Variants in TIAM2 observed in about 807,000 individuals in gnomAD.
The protein encoded by TIAM2 is rho guanine nucleotide exchange factor TIAM2.
Under a neutral mutation model 152.9 loss-of-function variants are expected in TIAM2, and 80 were observed. The ratio of observed to expected loss-of-function variants is 0.52; its 90% CI spans 0.44 to 0.63. The LOEUF (loss-of-function observed/expected upper bound fraction) is 0.63, where lower values mean the gene tolerates loss of function less well. TIAM2 is among the 30% of genes least tolerant of loss of function. The probability of loss-of-function intolerance (pLI) is 0.00; values close to 1 mark genes in which losing one functional copy is unlikely to be tolerated. For missense variants in TIAM2, 1,965 were observed against 2,120.1 expected, an observed-to-expected ratio of 0.93 and a Z score of 1.44; for synonymous variants, 804 against 838.0, an observed-to-expected ratio of 0.96 and a Z score of 0.70.
chr6:154,995,978 C>T lies in TIAM2; in HGVS notation c.-209+486C>T, dbSNP rs2114829000. Among the ~76,000 whole-genome samples the T allele has an allele frequency of 6.6e-6, 1 of 152,318 alleles. No individual in the cohort carries two copies. Among genetic ancestry groups the T allele is most frequent in the East Asian group, 1.9e-4 (1 of 5,144 alleles). Reference sequence around the variant, plus strand: ...CGCTGCGGCGAAGCAGGATCCCAGGCGGTCGGCTCAGCGAGTGTAGACCGT... The same window carrying T: ...CGCTGCGGCGAAGCAGGATCCCAGGTGGTCGGCTCAGCGAGTGTAGACCGT... On this transcript the variant is annotated intron_variant, in intron 1 of 26. Transcript: ENST00000682666. This position sits in a 1 kb window ranked among gnomAD's most constrained non-coding sequence, Gnocchi z 5.2.
chr6:155,056,164 CTTCT>C (rs1303369102), intron 1 of TIAM2, among the ~76,000 whole-genome samples: 61 of 121,722 alleles, frequency 5.0e-4, no homozygotes, highest in African/African-American at 2.0e-3. Flanking sequence ...CCTTATTGTT[CTTCT>C]TTTTTTTTTT....
intron 1 of TIAM2, among the ~76,000 whole-genome samples, chr6:155,082,630 A>G: frequency 6.6e-6 from 1 of 151,106 alleles, no homozygotes; most frequent in Non-Finnish European, 1.5e-5. Context: ...GGCCTGGGCA[A>G]CAAGAGTAAA....
chr6:155,250,652 T>C, intron 21 of TIAM2: 1 of 1,530,566 alleles, frequency 6.5e-7, no homozygotes, highest in Non-Finnish European at 8.8e-7. Context: ...GAAACTGAGT[T>C]GGTCACAAGG....
At chr6:155,057,097 C>T (rs1050035883) in intron 1 of TIAM2, among the ~76,000 whole-genome samples, 8 of 127,704 alleles carry the variant, frequency 6.3e-5, no homozygotes, top group Non-Finnish European at 1.1e-4. Flanking sequence ...GGTGCAATCT[C>T]GGTTCACTGC....
At chr6:155,006,359 G>A (rs550360964) in intron 1 of TIAM2, among the ~76,000 whole-genome samples, 1 of 152,078 alleles carries the variant, frequency 6.6e-6, no homozygotes, top group East Asian at 1.9e-4. Flanking sequence ...AGGGCTCAAG[G>A]CACTTTTTTT....
intron 14 of TIAM2, among the ~76,000 whole-genome samples, chr6:155,184,241 G>A (rs2115147889): frequency 6.6e-6 from 1 of 152,168 alleles, no homozygotes; most frequent in East Asian, 1.9e-4. Context: ...TACCCGCCTC[G>A]GTCTCCCAGA....
chr6:155,192,607 A>G lies in TIAM2; in HGVS notation c.3064+9107A>G, dbSNP rs189599221. On this transcript the variant is annotated intron_variant, in intron 14 of 26. Coordinates refer to ENST00000682666, the MANE Select transcript of TIAM2 (RefSeq NM_012454.4). ...GGATCCATTTTTATGTAAACACAAT[A>G]AACATTCTTTTAATGAAATGTCTCC... 4.1e-3 allele frequency among the ~76,000 whole-genome samples: 623 copies of G among 151,690 alleles called. 3 individuals carry two copies. Among genetic ancestry groups the G allele is most frequent in the African/African-American group, 0.014 (585 of 41,272 alleles).
rs1219702846 is a variant in TIAM2, at chr6:155,043,280, C to T, written c.-208-47009C>T. Among the ~76,000 whole-genome samples the T allele has an allele frequency of 3.9e-5, 6 of 152,224 alleles. No individual in the cohort carries two copies. The East Asian group carries it at 7.7e-4, about 20-fold the overall frequency. On this transcript the variant is annotated intron_variant, in intron 1 of 26. Transcript: ENST00000682666. ...CTCAGCACTGGCTACACATGAGAATCGTCTGTGGAGTTGAAAACAAAGATG... is the reference window on the plus strand; with the variant it reads ...CTCAGCACTGGCTACACATGAGAATTGTCTGTGGAGTTGAAAACAAAGATG...
chr6:155,142,761 G>A (rs981489390), intron 5 of TIAM2, among the ~76,000 whole-genome samples: 1 of 152,196 alleles, frequency 6.6e-6, no homozygotes, highest in Non-Finnish European at 1.5e-5. Context: ...CTGTTAGTTT[G>A]GATGAGTTTT....
intron 2 of TIAM2, among the ~76,000 whole-genome samples, chr6:155,111,587 T>C (rs1482109588): frequency 6.6e-6 from 1 of 152,188 alleles, no homozygotes; most frequent in African/African-American, 2.4e-5. Context: ...GTATGTGATG[T>C]TGGTGCCTCT....
intron 2 of TIAM2, among the ~76,000 whole-genome samples, chr6:155,099,676 G>A (rs1421104069): frequency 6.6e-6 from 1 of 152,090 alleles, no homozygotes; most frequent in Non-Finnish European, 1.5e-5. Flanking sequence ...GGCTACCAGT[G>A]TTTTCTGTTC....
intron 2 of TIAM2, among the ~76,000 whole-genome samples, chr6:155,092,684 C>T (rs537073645): frequency 8.6e-5 from 13 of 151,876 alleles, no homozygotes; most frequent in South Asian, 8.4e-4. Context: ...GGAGAAACCC[C>T]GTCTCTACTA....
At chr6:155,107,554 A>G (rs1341718658) in intron 2 of TIAM2, among the ~76,000 whole-genome samples, 1 of 152,214 alleles carries the variant, frequency 6.6e-6, no homozygotes, top group Non-Finnish European at 1.5e-5. Flanking sequence ...AGAAAGGGAA[A>G]TTAAGATGTG....
At chr6:155,195,208 G>T (rs1285686145) in intron 14 of TIAM2, among the ~76,000 whole-genome samples, 2 of 152,216 alleles carry the variant, frequency 1.3e-5, no homozygotes, top group African/African-American at 4.8e-5. Flanking sequence ...CTGTGGCTTT[G>T]TTTATAGCTT....
intron 9 of TIAM2, among the ~76,000 whole-genome samples, chr6:155,167,108 G>C (rs1488205591): frequency 6.6e-6 from 1 of 152,090 alleles, no homozygotes; most frequent in African/African-American, 2.4e-5. Context: ...AGAGTGGGTT[G>C]GTAGATTAAC....
At chr6:155,167,011 G>A (rs1021860279) in intron 9 of TIAM2, among the ~76,000 whole-genome samples, 1 of 152,038 alleles carries the variant, frequency 6.6e-6, no homozygotes, top group African/African-American at 2.4e-5. Flanking sequence ...ATTTGATAAC[G>A]CTTTTGTGAA....
chr6:155,228,794 G>A (rs1420370485), intron 15 of TIAM2, among the ~76,000 whole-genome samples: 1 of 152,094 alleles, frequency 6.6e-6, no homozygotes, highest in Non-Finnish European at 1.5e-5. Context: ...ACACAAGCCC[G>A]ACGCTCCTCC....
intron 15 of TIAM2, among the ~76,000 whole-genome samples, chr6:155,225,959 C>T (rs1463526952): frequency 6.6e-6 from 1 of 152,110 alleles, no homozygotes; most frequent in Admixed American, 6.5e-5. Flanking sequence ...TTGGCAGTAC[C>T]CCTGCTTAAT....
Position 155,057,017 on chromosome 6 carries a change from C to CTTTTTTTT in TIAM2, c.-208-33250_-208-33243dup, listed in dbSNP as rs71023612. ...AGTAGAATGTTCCTCAGTTTTCTTT[C>CTTTTTTTT]TTTTTTTTTTTTTTTTTTTTTTTTT... On this transcript the variant is annotated intron_variant, in intron 1 of 26. Coordinates refer to ENST00000682666, the MANE Select transcript of TIAM2 (RefSeq NM_012454.4). Among the ~76,000 whole-genome samples, 251 of 43,880 alleles carry CTTTTTTTT rather than the reference C, an allele frequency of 5.7e-3. 19 individuals are homozygous for CTTTTTTTT. Among genetic ancestry groups the CTTTTTTTT allele is most frequent in the Non-Finnish European group, 8.3e-3 (191 of 23,102 alleles). 28.8% of individuals were successfully genotyped at this position (43,880 alleles called of 152,430 possible).
Sources: gnomAD v4.1 joint callset for allele counts (sites outside exome capture counted in the v4.1 genomes callset) on GRCh38, gnomAD v4.1.1 for gene constraint, Gnocchi (gnomAD v3.1) non-coding constraint, MANE v1.5 for transcripts, NCBI Gene and HGNC (gene_info 2026-07-23, HGNC 2026-07-21) for gene names.